The following MYMK variants were observed in gnomAD, a reference collection of about 807,000 sequenced individuals.
MYMK encodes protein myomaker.
MYMK carries 16 observed loss-of-function variants against 22.4 expected under a neutral mutation model. The ratio of observed to expected loss-of-function variants is 0.72; its 90% CI spans 0.48 to 1.09. The LOEUF (loss-of-function observed/expected upper bound fraction) is 1.09. MYMK is among the 50% of genes least tolerant of loss of function. The pLI is 0.00. For synonymous variants in MYMK, 125 were observed against 127.0 expected, an observed-to-expected ratio of 0.98 and a Z score of 0.11; for missense variants, 250 against 295.6, an observed-to-expected ratio of 0.85 and a Z score of 1.13.
chr9:133,523,421 C>G (rs1377968476), intron 1 of MYMK, among the ~76,000 whole-genome samples: 1 of 152,008 alleles, frequency 6.6e-6, no homozygotes, highest in Non-Finnish European at 1.5e-5. Flanking sequence ...CTTGCCTCCC[C>G]AGAGCAGGTG....
chr9:133,522,113 C>T (rs1844709852), intron 1 of MYMK, among the ~76,000 whole-genome samples: 2 of 152,250 alleles, frequency 1.3e-5, no homozygotes, highest in Non-Finnish European at 2.9e-5. Context: ...TAGCTCCATT[C>T]GACAGATGGG....
In MYMK at chr9:133,524,771, G is replaced by T. The variant is rs758327852; in HGVS notation, c.74C>A (p.Ala25Glu). ...SLAFLPTVSI[A>E]AKRRFHMEAM... is the part of the protein sequence containing the mutation. ...CTCCATGTGGAACCGCCTCTTGGCC[G>T]CGATGCTGACAGTGGGGAGGAAGGC... Residue 25 changes from alanine (A) to glutamate (E), a missense_variant, in exon 1 of 5, where the codon GCG becomes GAG. Physicochemically the swap from Ala to Glu is moderately radical, Grantham distance 107. Transcript: ENST00000339996. 6.2e-7 allele frequency: 1 copy of T among 1,614,162 alleles called. No individual in the cohort carries two copies. The highest frequency in any genetic ancestry group is 2.2e-5 in the East Asian group (1 of 44,868).
At chr9:133,518,681 C>G (rs1844660019) in intron 3 of MYMK, among the ~76,000 whole-genome samples, 193 bp downstream of exon 3, 3 of 152,088 alleles carry the variant, frequency 2.0e-5, no homozygotes, top group African/African-American at 7.2e-5. Flanking sequence ...TGAGTACAGA[C>G]AAGCGTCACA....
Position 133,514,588 on chromosome 9 carries a change from A to G in MYMK, c.*48T>C. 1 of 1,580,020 alleles carries G rather than the reference A, an allele frequency of 6.3e-7. No individual in the cohort carries two copies. The highest frequency in any genetic ancestry group is 2.3e-5 in the East Asian group (1 of 43,756). On this transcript the variant is annotated 3_prime_UTR_variant, in exon 5 of 5. Transcript: ENST00000339996. ...GAGAAACTGTCTGGGACTCTGGCCA[A>G]GTGTGAGCTGGGGAGGGCAGGGGCT...
In MYMK at chr9:133,517,964, T is replaced by C. The variant is rs186042099; in HGVS notation, c.399+910A>G. The stretch of plus-strand genomic sequence containing the variant: ...CTGGGCTGGACCAGGCCAGGTCCTC[T>C]CTTGGCACTTGAAACTGACCCTGAG... On this transcript the variant is annotated intron_variant, in intron 3 of 4. Transcript: ENST00000339996. Among the ~76,000 whole-genome samples the C allele has an allele frequency of 1.2e-4, 18 of 152,284 alleles. No individual in the cohort carries two copies. The East Asian group carries it at 3.5e-3, about 29-fold the overall frequency.
chr9:133,521,568 CTGT>C lies in MYMK; in HGVS notation c.136-1283_136-1281del, dbSNP rs1163499993. ...AGGGAGGCGGCGGTCCTGCTTCTCT[CTGT>C]TCTTGTCAGGCTCATCCAGAAGACT... On this transcript the variant is annotated intron_variant, in intron 1 of 4. Coordinates refer to ENST00000339996, the MANE Select transcript of MYMK (RefSeq NM_001080483.3). Among the ~76,000 whole-genome samples the C allele has an allele frequency of 2.6e-5, 4 of 152,352 alleles. No homozygotes were observed. In the East Asian group the frequency reaches 7.7e-4, roughly 29 times the overall value.
chr9:133,518,819 G>C, intron 3 of MYMK, 55 bp downstream of exon 3: 1 of 1,576,388 alleles, frequency 6.3e-7, no homozygotes, highest in Non-Finnish European at 8.6e-7. Context: ...GTCAGACAGG[G>C]GAGAGGTGAC....
chr9:133,519,903 T>A (rs1206154716), intron 2 of MYMK, among the ~76,000 whole-genome samples: 1 of 152,240 alleles, frequency 6.6e-6, no homozygotes, highest in East Asian at 1.9e-4. Context: ...TTCCTTTGTA[T>A]GCCTCTGCTG....
At chr9:133,522,027 T>C (rs770588132) in intron 1 of MYMK, among the ~76,000 whole-genome samples, 2 of 152,218 alleles carry the variant, frequency 1.3e-5, no homozygotes, top group South Asian at 2.1e-4. Flanking sequence ...CTGAGAATTC[T>C]AAAGGACAGC....
intron 1 of MYMK, among the ~76,000 whole-genome samples, chr9:133,523,073 C>T (rs1844721642): frequency 6.6e-6 from 1 of 152,208 alleles, no homozygotes. Context: ...CCACAAAGGA[C>T]CCAGCCTGTC....
intron 1 of MYMK, among the ~76,000 whole-genome samples, chr9:133,520,830 C>T (rs770548331): frequency 4.6e-5 from 7 of 152,182 alleles, no homozygotes; most frequent in African/African-American, 1.2e-4. Flanking sequence ...ACTGCAGCAG[C>T]GTTCTCAGGC....
At chr9:133,524,628 C>G in intron 1 of MYMK, 82 bp downstream of exon 1, 1 of 1,602,864 alleles carries the variant, frequency 6.2e-7, no homozygotes, top group African/African-American at 1.3e-5. Flanking sequence ...TCACCCAATA[C>G]AAGAACGCTG....
At chr9:133,518,000 C>T (rs1844652157) in intron 3 of MYMK, among the ~76,000 whole-genome samples, 1 of 152,208 alleles carries the variant, frequency 6.6e-6, no homozygotes. Context: ...ACTTCAGGTC[C>T]ACTCCAAAGA....
chr9:133,523,701 G>T (rs1564486024), intron 1 of MYMK, among the ~76,000 whole-genome samples: 3 of 141,350 alleles, frequency 2.1e-5, no homozygotes, highest in Non-Finnish European at 4.7e-5. Context: ...GAGAGAGAGA[G>T]AGAGAGAGAG....
intron 3 of MYMK, among the ~76,000 whole-genome samples, chr9:133,516,424 G>A (rs1844632352): frequency 6.6e-6 from 1 of 152,162 alleles, no homozygotes; most frequent in South Asian, 2.1e-4. Context: ...ACCCGTGGGG[G>A]TACACTCAGG....
chr9:133,518,066 G>A (rs1297191860), intron 3 of MYMK, among the ~76,000 whole-genome samples: 1 of 152,252 alleles, frequency 6.6e-6, no homozygotes, highest in Non-Finnish European at 1.5e-5. Flanking sequence ...CAGGCCTGGA[G>A]AGCAGGCTCA....
In MYMK at chr9:133,520,217, G is replaced by A; in HGVS notation, c.207C>T (p.Phe69=). 3 of 1,614,156 alleles carry A rather than the reference G, an allele frequency of 1.9e-6. No individual in the cohort carries two copies. The highest frequency in any genetic ancestry group is 2.5e-6 in the Non-Finnish European group (3 of 1,180,018). ...TGCTCAGGGCTGTCCCGTAGACACT[G>A]AAATACTCCAGGATGTCGTGACGCA... ...CFMRHDILEY[F]SVYGTALSMW... The change falls in exon 2 of 5, where the codon TTC becomes TTT. Residue 69 remains phenylalanine (F), a synonymous_variant. Coordinates refer to ENST00000339996, the MANE Select transcript of MYMK (RefSeq NM_001080483.3).
chr9:133,524,585 C>G, intron 1 of MYMK, 125 bp downstream of exon 1: 1 of 1,422,118 alleles, frequency 7.0e-7, no homozygotes, highest in Non-Finnish European at 9.6e-7. Flanking sequence ...CCCACCTGGG[C>G]CTGCTGTTTC....
At chr9:133,519,921 G>A (rs1844677919) in intron 2 of MYMK, among the ~76,000 whole-genome samples, 1 of 152,226 alleles carries the variant, frequency 6.6e-6, no homozygotes, top group East Asian at 1.9e-4. Context: ...CTGTTGAAAT[G>A]TGTCACAACA....
Sources: gnomAD v4.1 joint callset for allele counts (sites outside exome capture counted in the v4.1 genomes callset) on GRCh38, gnomAD v4.1.1 for gene constraint, MANE v1.5 for transcripts, NCBI Gene and HGNC (gene_info 2026-07-23, HGNC 2026-07-21) for gene names.